The following HPD variants were observed in gnomAD, a reference collection of about 807,000 sequenced individuals.
HPD encodes the protein 4-hydroxyphenylpyruvate dioxygenase.
In HPD, 35 loss-of-function variants were observed where a neutral mutation model predicts 56.9. The observed-to-expected ratio is 0.62, with a 90% CI of 0.47 to 0.82. The LOEUF is 0.82. Among genes scored for constraint, HPD ranks in the 40% least tolerant of loss-of-function variants. The pLI is 0.00. For synonymous variants in HPD, 186 were observed against 200.2 expected (o/e 0.93, Z 0.60); for missense variants, 442 against 506.8 (o/e 0.87, Z 1.23).
chr12:121,883,198 G>A, the HPD span, among the ~76,000 whole-genome samples: 1 of 140,324 alleles, frequency 7.1e-6, no homozygotes, highest in Admixed American at 7.0e-5. Context: ...GTGTGTGTGT[G>A]TGTGTGTGTG....
intron 11 of HPD, among the ~76,000 whole-genome samples, chr12:121,844,526 T>A (rs941361709): frequency 1.3e-5 from 2 of 150,300 alleles, no homozygotes; most frequent in African/African-American, 4.9e-5. Flanking sequence ...GGCGGGCAGA[T>A]CACTTGAAGT....
At chr12:121,869,301 G>A in the HPD span, among the ~76,000 whole-genome samples, 1 of 149,262 alleles carries the variant, frequency 6.7e-6, no homozygotes. Flanking sequence ...AGTGAGCCAG[G>A]ATCGCGCCAT....
the HPD span, among the ~76,000 whole-genome samples, chr12:121,874,853 C>T: frequency 6.6e-6 from 1 of 151,998 alleles, no homozygotes; most frequent in Admixed American, 6.6e-5. Context: ...CCTCTGCCTC[C>T]CGGGTTCAAG....
the HPD span, among the ~76,000 whole-genome samples, chr12:121,885,583 ACTGT>A: frequency 2.6e-5 from 4 of 152,116 alleles, no homozygotes; most frequent in South Asian, 8.3e-4. Flanking sequence ...TTCTAAGGGC[ACTGT>A]CTTACAAAAC....
the HPD span, among the ~76,000 whole-genome samples, chr12:121,876,869 G>A: frequency 3.9e-5 from 6 of 152,002 alleles, no homozygotes; most frequent in African/African-American, 1.4e-4. Context: ...TGAAGTGGGA[G>A]GATCACTTGA....
At chr12:121,855,512 G>A (rs923981067) in intron 6 of HPD, among the ~76,000 whole-genome samples, 2 of 152,184 alleles carry the variant, frequency 1.3e-5, no homozygotes, top group Non-Finnish European at 2.9e-5. Flanking sequence ...GAGGTCAGGA[G>A]TTCAAGACCA....
At chr12:121,854,040 G>C (rs1877906000) in intron 7 of HPD, among the ~76,000 whole-genome samples, 1 of 152,222 alleles carries the variant, frequency 6.6e-6, no homozygotes, top group South Asian at 2.1e-4. Flanking sequence ...ACCAGGTCAG[G>C]AGATTGAGAC....
chr12:121,856,189 C>T, intron 6 of HPD, 135 bp downstream of exon 6: 1 of 751,714 alleles, frequency 1.3e-6, no homozygotes, highest in Non-Finnish European at 2.4e-6. Context: ...TGTGATGCAG[C>T]ATCTGAGCTT....
the HPD span, among the ~76,000 whole-genome samples, chr12:121,886,404 G>T: frequency 1.4e-5 from 2 of 145,148 alleles, no homozygotes; most frequent in African/African-American, 5.2e-5. Context: ...CACCGCGCCT[G>T]GCCTAGTTTT....
In HPD at chr12:121,846,867, T is replaced by C; in HGVS notation, c.826A>G (p.Thr276Ala). ...ACAGGGAAGGGGGTTCTAACCGCTGTGATGATGTCTTCGGTCTTGAGAGCG... is the reference window on the plus strand; with the variant it reads ...ACAGGGAAGGGGGTTCTAACCGCTGCGATGATGTCTTCGGTCTTGAGAGCG... ...HIALKTEDII[T>A]AIRHLRERGL... The change falls in exon 11 of 14, where the codon ACA becomes GCA. Residue 276 changes from threonine (T) to alanine (A), a missense_variant. Thr to Ala is a moderately conservative substitution (Grantham distance 58). Transcript: ENST00000289004. The C allele has an allele frequency of 1.9e-6, 3 of 1,614,074 alleles. 1 individual carries two copies. In the East Asian group the frequency reaches 6.7e-5, roughly 36 times the overall value.
At chr12:121,870,602 T>G in the HPD span, among the ~76,000 whole-genome samples, 3 of 150,904 alleles carry the variant, frequency 2.0e-5, no homozygotes, top group East Asian at 3.9e-4. Flanking sequence ...AAGGTTTTTT[T>G]TTTTTTTTTT....
At position 121,848,763 on chromosome 12, in the gene HPD, G is replaced by A. The variant is rs190591502; in HGVS notation, c.596+236C>T. 1.5e-4 allele frequency among the ~76,000 whole-genome samples: 23 copies of A among 151,604 alleles called. No individual in the cohort carries two copies. In the South Asian group the frequency reaches 3.8e-3, roughly 25 times the overall value. On this transcript the variant is annotated intron_variant, in intron 9 of 13. Transcript: ENST00000289004. ...TGGAATTACAGGGGCCCAACACCTC[G>A]CCCACTGAGTTTTTATATTTTTAGT...
At chr12:121,887,129 A>G in the HPD span, among the ~76,000 whole-genome samples, 1 of 151,868 alleles carries the variant, frequency 6.6e-6, no homozygotes, top group African/African-American at 2.4e-5. Flanking sequence ...TGAACTCCTG[A>G]CCTCAAGTGA....
At chr12:121,866,343 A>G (rs2137645503), upstream of HPD, among the ~76,000 whole-genome samples, 1 of 150,982 alleles carries the variant, frequency 6.6e-6, no homozygotes, top group East Asian at 1.9e-4. Context: ...TAGATGTTCT[A>G]GATGGTGATG....
chr12:121,857,172 C>T lies in HPD; in HGVS notation c.198+156G>A, dbSNP rs11043217. ...TTGGCTCACTGCAACCTCTGCCTCC[C>T]GGGTTCAAGCGATGTGCCTGCCTCA... On this transcript the variant is annotated intron_variant, in intron 4 of 13. Coordinates refer to ENST00000289004, the MANE Select transcript of HPD (RefSeq NM_002150.3). The T allele has an allele frequency of 0.28, 177,492 of 631,014 alleles. 29,795 individuals carry two copies. Among genetic ancestry groups the T allele is most frequent in the Non-Finnish European group, 0.36 (125,796 of 345,998 alleles). The allele number at this position is 631,014 out of a possible 1,614,324, so 39.1% of individuals were successfully genotyped here.
chr12:121,845,361 C>T (rs1239556787), intron 11 of HPD, among the ~76,000 whole-genome samples: 2 of 149,314 alleles, frequency 1.3e-5, no homozygotes, highest in Non-Finnish European at 2.9e-5. Context: ...CTTTGGGAGG[C>T]CAAGGTGGGC....
chr12:121,855,069 A>G (rs2137628538), intron 6 of HPD, among the ~76,000 whole-genome samples: 1 of 152,322 alleles, frequency 6.6e-6, no homozygotes, highest in Non-Finnish European at 1.5e-5. Flanking sequence ...CCCTGTGATC[A>G]GTCCCCTTCT....
the HPD span, among the ~76,000 whole-genome samples, chr12:121,876,776 CA>C: frequency 6.6e-6 from 1 of 152,060 alleles, no homozygotes. Context: ...CCCCCATCCC[CA>C]TTTCCGAGTC....
At chr12:121,858,915 C>T, upstream of HPD, 1 of 1,463,066 alleles carries the variant, frequency 6.8e-7, no homozygotes, top group Non-Finnish European at 9.6e-7. Context: ...GCCCAGGCCT[C>T]CTGGCCTACC....
Sources: gnomAD v4.1 joint callset for allele counts (sites outside exome capture counted in the v4.1 genomes callset) on GRCh38, gnomAD v4.1.1 for gene constraint, MANE v1.5 for transcripts, NCBI Gene and HGNC (gene_info 2026-07-23, HGNC 2026-07-21) for gene names.